The following RNF212 variants were observed in gnomAD, a reference collection of about 807,000 sequenced individuals.
RNF212 encodes the protein ring finger protein 212, also known as probable E3 SUMO-protein ligase RNF212.
RNF212 carries 33 observed loss-of-function variants against 34.7 expected under a neutral mutation model. The ratio of observed to expected loss-of-function variants is 0.95; its 90% CI spans 0.72 to 1.27. The LOEUF is 1.27. Among genes scored for constraint, RNF212 ranks in the 50% most tolerant of loss-of-function variants. The pLI, the probability that RNF212 is intolerant of heterozygous loss-of-function variation, is 0.00. For synonymous variants in RNF212, 140 were observed against 136.1 expected, an observed-to-expected ratio of 1.03 and a Z score of -0.20; for missense variants, 377 against 362.2, an observed-to-expected ratio of 1.04 and a Z score of -0.33.
chr4:1,060,371 G>A (rs12645644), intron 3 of RNF212, among the ~76,000 whole-genome samples: 121,074 of 152,058 alleles, frequency 0.8, 48,687 homozygotes, highest in African/African-American at 0.89. Context: ...CACACCAGGC[G>A]TCATCCTGAA....
At chr4:1,063,869 CAA>C (rs1226421887) in intron 3 of RNF212, among the ~76,000 whole-genome samples, 3 of 117,530 alleles carry the variant, frequency 2.6e-5, no homozygotes, top group Non-Finnish European at 1.8e-5. Context: ...GACCCAGTCT[CAA>C]AAAAAAAAAA....
intron 2 of RNF212, chr4:1,101,687 T>C (rs1577802603): frequency 5.0e-6 from 1 of 201,984 alleles, no homozygotes; most frequent in African/African-American, 2.3e-5. Flanking sequence ...CTGAGTGTCA[T>C]CCCTCCTCCA....
At chr4:1,066,413 T>C (rs566876706) in intron 3 of RNF212, among the ~76,000 whole-genome samples, 8 of 152,198 alleles carry the variant, frequency 5.3e-5, no homozygotes, top group Non-Finnish European at 1.0e-4. Flanking sequence ...ACTGCAACCT[T>C]TGCCCCCCAG....
chr4:1,075,351 C>A (rs1719110826), intron 8 of RNF212, among the ~76,000 whole-genome samples: 2 of 152,240 alleles, frequency 1.3e-5, no homozygotes, highest in African/African-American at 4.8e-5. Context: ...GCTCATGCTT[C>A]TGAGGGCCGT....
chr4:1,059,156 G>T (rs1409213579), intron 3 of RNF212, among the ~76,000 whole-genome samples: 1 of 152,230 alleles, frequency 6.6e-6, no homozygotes. Flanking sequence ...GCACGTCGGG[G>T]GGTTGCCGGC....
At chr4:1,077,755 A>G (rs1254412377) in intron 8 of RNF212, among the ~76,000 whole-genome samples, 4 of 152,182 alleles carry the variant, frequency 2.6e-5, no homozygotes, top group African/African-American at 4.8e-5. Context: ...ACAGGGACCC[A>G]GGGGAGGGCT....
intron 2 of RNF212, chr4:1,107,388 AACACAC>A (rs754741278): frequency 1.3e-5 from 2 of 151,910 alleles, no homozygotes; most frequent in Non-Finnish European, 2.9e-5. Flanking sequence ...AAATCACAAT[AACACAC>A]ATAGAATAGG....
chr4:1,106,249 TAC>T (rs35166968), intron 2 of RNF212, among the ~76,000 whole-genome samples: 19,965 of 145,728 alleles, frequency 0.14, 1,363 homozygotes, highest in Non-Finnish European at 0.15. Flanking sequence ...CAATTTTACT[TAC>T]ACACACACAC....
chr4:1,090,559 G>A (rs948682398), intron 4 of RNF212, among the ~76,000 whole-genome samples: 4 of 152,178 alleles, frequency 2.6e-5, no homozygotes, highest in South Asian at 4.1e-4. Flanking sequence ...AGGCCCATGC[G>A]GTGCTGCACC....
chr4:1,097,990 G>T (rs1001865616), intron 2 of RNF212, among the ~76,000 whole-genome samples: 1 of 151,312 alleles, frequency 6.6e-6, no homozygotes, highest in Non-Finnish European at 1.5e-5. Flanking sequence ...GCTTGAACCC[G>T]GGAGGTGGAG....
At chr4:1,102,988 CAA>C (rs35322395) in intron 2 of RNF212, among the ~76,000 whole-genome samples, 28,930 of 145,332 alleles carry the variant, frequency 0.2, 2,782 homozygotes, top group East Asian at 0.32. Context: ...TAAAAAAATA[CAA>C]AAAAAAAAAA....
chr4:1,109,837 A>C (rs1264437828), intron 1 of RNF212, among the ~76,000 whole-genome samples: 1 of 151,856 alleles, frequency 6.6e-6, no homozygotes, highest in East Asian at 1.9e-4. Flanking sequence ...GTGTATCCAT[A>C]CTCGCCTCAG....
chr4:1,099,473 CA>C (rs1723590334), intron 2 of RNF212, among the ~76,000 whole-genome samples: 1 of 152,016 alleles, frequency 6.6e-6, no homozygotes, highest in Non-Finnish European at 1.5e-5. Flanking sequence ...GGGCCTCCTG[CA>C]GTGAGAGCCA....
At chr4:1,073,687 G>A in intron 8 of RNF212, 25 bp from the exon 9 acceptor site, 1 of 1,567,222 alleles carries the variant, frequency 6.4e-7, no homozygotes, top group Non-Finnish European at 8.8e-7. Context: ...AGAAAACAAT[G>A]GGTAAAATTC....
intron 2 of RNF212, among the ~76,000 whole-genome samples, chr4:1,102,687 C>G (rs972866060): frequency 6.8e-6 from 1 of 146,308 alleles, no homozygotes; most frequent in Admixed American, 6.8e-5. Flanking sequence ...CCCGTCTCTA[C>G]TAAAAATACA....
chr4:1,093,935 G>T, intron 3 of RNF212: 1 of 1,536,166 alleles, frequency 6.5e-7, no homozygotes, highest in Non-Finnish European at 8.7e-7. Flanking sequence ...GCTTCCATGG[G>T]TCGAGCCTCT....
chr4:1,097,949 C>T (rs1335886425), intron 2 of RNF212, among the ~76,000 whole-genome samples: 1 of 152,084 alleles, frequency 6.6e-6, no homozygotes, highest in East Asian at 1.9e-4. Flanking sequence ...CCTGTAATCC[C>T]AGCTACTTGG....
At chr4:1,103,846 C>A (rs1724405134) in intron 2 of RNF212, among the ~76,000 whole-genome samples, 3 of 152,186 alleles carry the variant, frequency 2.0e-5, no homozygotes. Flanking sequence ...GCTAATGCCA[C>A]CGTTTCTCCT....
intron 4 of RNF212, chr4:1,058,220 AAAC>A (rs1717465519): frequency 1.4e-5 from 3 of 211,968 alleles, no homozygotes; most frequent in African/African-American, 3.2e-5. Flanking sequence ...ATTTCCTTTA[AAAC>A]GCTGTGAAGA....
Sources: gnomAD v4.1 joint callset for allele counts (sites outside exome capture counted in the v4.1 genomes callset) on GRCh38, gnomAD v4.1.1 for gene constraint, MANE v1.5 for transcripts, NCBI Gene and HGNC (gene_info 2026-07-23, HGNC 2026-07-21) for gene names.